The following GOLGA6L9 variants were observed in gnomAD, a reference collection of about 807,000 sequenced individuals.
The protein encoded by GOLGA6L9 is golgin subfamily A member 6-like protein 9.
GOLGA6L9 carries 19 observed loss-of-function variants against 51.3 expected under a neutral mutation model. The ratio of observed to expected loss-of-function variants is 0.37; its 90% CI spans 0.26 to 0.54. The LOEUF (loss-of-function observed/expected upper bound fraction) is 0.54, where lower values mean the gene tolerates loss of function less well. Ranked by LOEUF, GOLGA6L9 falls within the 20% of genes least tolerant of loss-of-function variation. The probability of loss-of-function intolerance (pLI) is 0.83; values close to 1 mark genes in which losing one functional copy is unlikely to be tolerated. For missense variants in GOLGA6L9, 247 were observed against 464.1 expected (o/e 0.53, Z 4.30); for synonymous variants, 97 against 184.2 (o/e 0.53, Z 3.83).
At chr15:82,416,251 T>C in the GOLGA6L9 span, among the ~76,000 whole-genome samples, 8 of 152,274 alleles carry the variant, frequency 5.3e-5, no homozygotes, top group Non-Finnish European at 8.8e-5. Flanking sequence ...GTAGGATTCA[T>C]GTAGAAGAGT....
At position 82,436,565 on chromosome 15, in the gene GOLGA6L9, T is replaced by G; in HGVS notation, c.*154T>G. ...TTGTGTTTCTAATTTATAGTTTAAA[T>G]TTATTTGTTTCTAATTTATAGTTTA... On this transcript the variant is annotated 3_prime_UTR_variant, in exon 9 of 9. Coordinates refer to ENST00000618348, the MANE Select transcript of GOLGA6L9 (RefSeq NM_198181.4). 2.4e-6 allele frequency: 2 copies of G among 834,144 alleles called. No homozygotes were observed. Among genetic ancestry groups the G allele is most frequent in the Non-Finnish European group, 3.5e-6 (2 of 567,130 alleles). 51.7% of individuals were successfully genotyped at this position (834,144 alleles called of 1,614,324 possible). A position where few individuals can be genotyped will look rare whatever the true frequency, so the allele number is the denominator to read the frequency against.
At chr15:82,421,159 T>G in the GOLGA6L9 span, among the ~76,000 whole-genome samples, 1 of 50,900 alleles carries the variant, frequency 2.0e-5, no homozygotes, top group Non-Finnish European at 3.3e-5. Context: ...TCTAGTCTTC[T>G]GTGTATAAAT....
the GOLGA6L9 span, chr15:82,418,648 G>A: frequency 1.3e-5 from 2 of 152,284 alleles, no homozygotes; most frequent in African/African-American, 4.8e-5. Flanking sequence ...GTTGTCTTTG[G>A]TTCAGAGAAC....
intron 2 of GOLGA6L9, 42 bp from the exon 3 acceptor site, chr15:82,432,530 G>C (rs1457170024): frequency 6.9e-6 from 11 of 1,595,192 alleles, no homozygotes; most frequent in African/African-American, 1.3e-5. Flanking sequence ...TAGACAGTGA[G>C]GGGGGACAGA....
rs1163542078 is a variant in GOLGA6L9 at position 82,437,779 on chromosome 15, G to T, written c.*1368G>T. 3 of 151,028 alleles carry T rather than the reference G, an allele frequency of 2.0e-5. No individual in the cohort carries two copies. Among genetic ancestry groups the T allele is most frequent in the African/African-American group, 7.3e-5 (3 of 40,896 alleles). 9.4% of individuals were successfully genotyped at this position (151,028 alleles called of 1,614,324 possible). A position where few individuals can be genotyped will look rare whatever the true frequency, so the allele number is the denominator to read the frequency against. ...ATTTGAAAATCAAGGAGCAGTTTAT[G>T]CAACGTAAAACGTTTACAAACTGCA... On this transcript the variant is annotated 3_prime_UTR_variant, in exon 9 of 9. Transcript: ENST00000618348.
chr15:82,416,685 A>G, the GOLGA6L9 span, among the ~76,000 whole-genome samples: 1 of 152,216 alleles, frequency 6.6e-6, no homozygotes. Flanking sequence ...TGAAATACCA[A>G]TAAAACACCA....
At chr15:82,424,687 C>T in the GOLGA6L9 span, among the ~76,000 whole-genome samples, 1 of 151,252 alleles carries the variant, frequency 6.6e-6, no homozygotes, top group East Asian at 1.9e-4. Flanking sequence ...AGGTTGTTGG[C>T]AGAGTATCTG....
At chr15:82,425,118 AT>A (rs1340165578), upstream of GOLGA6L9, among the ~76,000 whole-genome samples, 1 of 150,458 alleles carries the variant, frequency 6.6e-6, no homozygotes, top group African/African-American at 2.5e-5. Context: ...AAATAAGTAA[AT>A]TTTTTTAATG....
Position 82,432,590 on chromosome 15 carries a change from G to A in GOLGA6L9, c.223G>A (p.Gly75Arg), listed in dbSNP as rs1189513616. 59 of 1,603,816 alleles carry A rather than the reference G, an allele frequency of 3.7e-5. No homozygotes were observed. The highest frequency in any genetic ancestry group is 1.9e-4 in the South Asian group (17 of 90,810). ...CTTGGAGTCAGCAACAGGTATCTAC[G>A]GGGAGGGCCGTGCATCCTCTACTAC... is the stretch of plus-strand genomic sequence containing the variant. ...SPGDSATGIY[G>R]EGRASSTTLQ... Residue 75 changes from glycine (G) to arginine (R), a missense_variant, in exon 3 of 9, where the codon GGG becomes AGG. This residue lies in a region of GOLGA6L9 where 74 missense variants were observed against 91.2 expected (regional missense o/e 0.81). Transcript: ENST00000618348.
chr15:82,436,560 T>G lies in GOLGA6L9; in HGVS notation c.*149T>G. 2 of 892,366 alleles carry G rather than the reference T, an allele frequency of 2.2e-6. No individual in the cohort carries two copies. Among genetic ancestry groups the G allele is most frequent in the Non-Finnish European group, 1.6e-6 (1 of 616,574 alleles). 55.3% of individuals were successfully genotyped at this position (892,366 alleles called of 1,614,324 possible). ...TTTATTTGTGTTTCTAATTTATAGT[T>G]TAAATTTATTTGTTTCTAATTTATA... is the stretch of plus-strand genomic sequence containing the variant. On this transcript the variant is annotated 3_prime_UTR_variant, in exon 9 of 9. Transcript: ENST00000618348.
At chr15:82,425,876 G>C (rs1191603735), upstream of GOLGA6L9, among the ~76,000 whole-genome samples, 1 of 149,792 alleles carries the variant, frequency 6.7e-6, no homozygotes, top group Non-Finnish European at 1.5e-5. Context: ...ATATACGTGT[G>C]TATTTGCAAA....
chr15:82,438,450 TATGA>T lies in GOLGA6L9; in HGVS notation c.*2040_*2043del, dbSNP rs1351116615. The T allele has an allele frequency of 6.6e-6, 1 of 151,674 alleles. No homozygotes were observed. Among genetic ancestry groups the T allele is most frequent in the Non-Finnish European group, 1.5e-5 (1 of 67,850 alleles). 9.4% of individuals were successfully genotyped at this position (151,674 alleles called of 1,614,324 possible). On this transcript the variant is annotated 3_prime_UTR_variant, in exon 9 of 9. Coordinates refer to ENST00000618348, the MANE Select transcript of GOLGA6L9 (RefSeq NM_198181.4). ...CTATGACAATAACTATGACAATAAC[TATGA>T]CAAGTCTTTCTTCAAAGTGCATGCA...
In GOLGA6L9 at chr15:82,434,531, A is replaced by T; in HGVS notation, c.931A>T (p.Arg311Trp). ...GCTGGAGAGGCTGCGGGAGCTGGAG[A>T]GGATGCTGGAGCTGGGGTGGGAAGC... ...RELERLRELE[R>W]MLELGWEALY... The change falls in exon 6 of 9, where the codon AGG becomes TGG. Residue 311 changes from arginine (R) to tryptophan (W), a missense_variant. Arg to Trp is a moderately radical substitution (Grantham distance 101). Transcript: ENST00000618348. 6.4e-7 allele frequency: 1 copy of T among 1,566,494 alleles called. No individual in the cohort carries two copies. The highest frequency in any genetic ancestry group is 8.6e-7 in the Non-Finnish European group (1 of 1,164,358).
Position 82,438,333 on chromosome 15 carries a change from T to A in GOLGA6L9, c.*1922T>A, listed in dbSNP as rs1176701182. 1,632 of 150,790 alleles carry A rather than the reference T, an allele frequency of 0.011. 41 individuals carry two copies. Among genetic ancestry groups the A allele is most frequent in the African/African-American group, 0.038 (1,546 of 40,934 alleles). 9.3% of individuals were successfully genotyped at this position (150,790 alleles called of 1,614,324 possible). A position where few individuals can be genotyped will look rare whatever the true frequency, so the allele number is the denominator to read the frequency against. On this transcript the variant is annotated 3_prime_UTR_variant, in exon 9 of 9. Transcript: ENST00000618348. ...GGCATATTTAAGCTGAATGTCAGTC[T>A]GAAAAATAAATGTACTATATTAACT...
At chr15:82,426,194 C>A (rs2031210039), upstream of GOLGA6L9, among the ~76,000 whole-genome samples, 1 of 42,760 alleles carries the variant, frequency 2.3e-5, no homozygotes, top group African/African-American at 1.2e-4. Flanking sequence ...AGGGAGTCAG[C>A]CTTTCCTTTG....
At position 82,437,546 on chromosome 15, in the gene GOLGA6L9, A is replaced by C. The variant is rs1464252510; in HGVS notation, c.*1135A>C. On this transcript the variant is annotated 3_prime_UTR_variant, in exon 9 of 9. Coordinates refer to ENST00000618348, the MANE Select transcript of GOLGA6L9 (RefSeq NM_198181.4). ...TGACACCTGGCATTCCTCTGTGTTC[A>C]TGGAGCTTATTTGAGGCTAGAAGAT... 1 of 112,692 alleles carries C rather than the reference A, an allele frequency of 8.9e-6. No homozygotes were observed. The highest frequency in any genetic ancestry group is 1.8e-5 in the Non-Finnish European group (1 of 55,754). 7.0% of individuals were successfully genotyped at this position (112,692 alleles called of 1,614,324 possible). A position where few individuals can be genotyped will look rare whatever the true frequency, so the allele number is the denominator to read the frequency against.
At chr15:82,419,371 C>G in the GOLGA6L9 span, 1 of 153,172 alleles carries the variant, frequency 6.5e-6, no homozygotes, top group Non-Finnish European at 1.4e-5. Context: ...TTCGTAGCTC[C>G]TACTTTCAAG....
At chr15:82,420,650 G>A in the GOLGA6L9 span, among the ~76,000 whole-genome samples, 1 of 151,846 alleles carries the variant, frequency 6.6e-6, no homozygotes, top group South Asian at 2.1e-4. Flanking sequence ...AGCAAGGATT[G>A]GAACCAGACA....
chr15:82,419,116 T>C, the GOLGA6L9 span: 3 of 167,656 alleles, frequency 1.8e-5, no homozygotes, highest in Admixed American at 1.3e-4. Context: ...GTCTTTACTG[T>C]GTGCATACTT....
Sources: gnomAD v4.1 joint callset for allele counts (sites outside exome capture counted in the v4.1 genomes callset) on GRCh38, gnomAD v4.1.1 for gene constraint, gnomAD v4.1.1 regional missense constraint, MANE v1.5 for transcripts, NCBI Gene and HGNC (gene_info 2026-07-23, HGNC 2026-07-21) for gene names.